The following CXADR variants were observed in gnomAD, a reference collection of about 807,000 sequenced individuals.
CXADR encodes the protein CXADR cell adhesion molecule.
CXADR carries 20 observed loss-of-function variants against 40.3 expected under a neutral mutation model. The observed-to-expected ratio is 0.50, with a 90% CI of 0.35 to 0.72. The LOEUF is 0.72. CXADR is among the 30% of genes least tolerant of loss of function. CXADR has a pLI of 0.01. For missense variants in CXADR, 332 were observed against 449.1 expected (o/e 0.74, Z 2.36); for synonymous variants, 150 against 161.3 (o/e 0.93, Z 0.53).
chr21:17,602,833 A>G, the CXADR span, among the ~76,000 whole-genome samples: 2 of 152,238 alleles, frequency 1.3e-5, no homozygotes, highest in Non-Finnish European at 2.9e-5. Context: ...ACTTATTTTA[A>G]GCATTTTAAA....
chr21:17,624,154 C>T, the CXADR span, among the ~76,000 whole-genome samples: 6 of 152,170 alleles, frequency 3.9e-5, no homozygotes, highest in African/African-American at 1.4e-4. Flanking sequence ...CCCTCATTTC[C>T]TTACCTCCCC....
chr21:17,525,358 A>T (rs541214258), intron 1 of CXADR, among the ~76,000 whole-genome samples: 1 of 152,330 alleles, frequency 6.6e-6, no homozygotes, highest in South Asian at 2.1e-4. Context: ...CCATCGTTAG[A>T]TGTGTGTTCT....
chr21:17,585,857 C>T (rs1468885773), intron 7 of CXADR, among the ~76,000 whole-genome samples: 3 of 152,054 alleles, frequency 2.0e-5, no homozygotes, highest in Non-Finnish European at 4.4e-5. Flanking sequence ...CTTTTATTAA[C>T]AGAAAAATAA....
chr21:17,586,304 AT>A (rs1353671256), intron 7 of CXADR, among the ~76,000 whole-genome samples: 2 of 150,850 alleles, frequency 1.3e-5, no homozygotes, highest in East Asian at 1.9e-4. Context: ...AAAATTTAAA[AT>A]TTTTTCCCCA....
intron 7 of CXADR, among the ~76,000 whole-genome samples, chr21:17,580,241 G>A (rs903111958): frequency 1.3e-5 from 2 of 152,184 alleles, no homozygotes; most frequent in African/African-American, 2.4e-5. Flanking sequence ...AAGAGTTGGC[G>A]AAAACTCTCA....
the CXADR span, among the ~76,000 whole-genome samples, chr21:17,616,612 A>G: frequency 2.6e-5 from 4 of 151,956 alleles, no homozygotes; most frequent in African/African-American, 9.7e-5. Flanking sequence ...GACATGGAGG[A>G]TTTTGTGTTA....
intron 7 of CXADR, among the ~76,000 whole-genome samples, chr21:17,575,870 C>T (rs2061318642): frequency 6.6e-6 from 1 of 151,278 alleles, no homozygotes; most frequent in Non-Finnish European, 1.5e-5. Context: ...GGTGGATCAC[C>T]TGAGGTCAGG....
the CXADR span, among the ~76,000 whole-genome samples, chr21:17,635,236 A>C: frequency 1.3e-5 from 2 of 152,244 alleles, no homozygotes; most frequent in Non-Finnish European, 2.9e-5. Flanking sequence ...CACACAGAGC[A>C]CTAAAGTTTA....
chr21:17,615,859 A>G, the CXADR span, among the ~76,000 whole-genome samples: 1 of 152,218 alleles, frequency 6.6e-6, no homozygotes, highest in African/African-American at 2.4e-5. Flanking sequence ...GCAACTTAGA[A>G]TCAACAAAAT....
chr21:17,559,174 G>C, intron 4 of CXADR, 43 bp downstream of exon 4: 1 of 1,600,752 alleles, frequency 6.2e-7, no homozygotes, highest in South Asian at 1.1e-5. Flanking sequence ...CATTGATTTG[G>C]ACTAAGATCT....
At chr21:17,605,191 T>A in the CXADR span, 1 of 572,076 alleles carries the variant, frequency 1.7e-6, no homozygotes, top group East Asian at 3.3e-5. Context: ...GAAAAAAAGA[T>A]GGCACCTATG....
At chr21:17,518,672 T>C in intron 1 of CXADR, 1 of 1,610,034 alleles carries the variant, frequency 6.2e-7, no homozygotes, top group Admixed American at 1.7e-5. Context: ...CTTGTTAAAC[T>C]GTCAGCACCA....
At chr21:17,592,988 A>G (rs951976287) in intron 7 of CXADR, among the ~76,000 whole-genome samples, 9 of 151,976 alleles carry the variant, frequency 5.9e-5, no homozygotes, top group Non-Finnish European at 1.2e-4. Flanking sequence ...CCATTCAATG[A>G]TTTATTAGCA....
chr21:17,572,767 A>T (rs1218085688), downstream of CXADR, among the ~76,000 whole-genome samples: 2 of 148,230 alleles, frequency 1.3e-5, no homozygotes, highest in Non-Finnish European at 3.0e-5. Context: ...GAAAAAAAAA[A>T]TACCTGCTTA....
At chr21:17,614,046 T>C in the CXADR span, 1 of 152,016 alleles carries the variant, frequency 6.6e-6, no homozygotes, top group Non-Finnish European at 1.5e-5. Context: ...AAAATGGTAA[T>C]TTTTTTAGCA....
At chr21:17,604,792 C>A in the CXADR span, 1 of 1,541,292 alleles carries the variant, frequency 6.5e-7, no homozygotes, top group South Asian at 1.2e-5. Flanking sequence ...GCAGGCCGTA[C>A]ATGACAGAAT....
chr21:17,513,930 G>A (rs1013853961), intron 1 of CXADR, among the ~76,000 whole-genome samples: 5 of 152,200 alleles, frequency 3.3e-5, no homozygotes, highest in African/African-American at 9.6e-5. Context: ...GACGGGCTGA[G>A]TTGTACAGGG....
At chr21:17,576,032 G>A (rs1268844627) in intron 7 of CXADR, among the ~76,000 whole-genome samples, 1 of 146,116 alleles carries the variant, frequency 6.8e-6, no homozygotes, top group Non-Finnish European at 1.5e-5. Flanking sequence ...AGGTTGCAGT[G>A]AGCCGAGATC....
chr21:17,610,249 T>C, the CXADR span, among the ~76,000 whole-genome samples: 15 of 152,226 alleles, frequency 9.9e-5, no homozygotes, highest in South Asian at 4.1e-4. Flanking sequence ...AATTTCACTA[T>C]AGTAATGGTT....
Sources: allele counts gnomAD v4.1 joint callset (sites outside exome capture counted in the v4.1 genomes callset), GRCh38; gene constraint gnomAD v4.1.1; transcripts MANE v1.5; gene names NCBI Gene and HGNC (gene_info 2026-07-23, HGNC 2026-07-21).